The following ANAPC7 variants were observed in gnomAD, a reference collection of about 807,000 sequenced individuals.
The protein encoded by ANAPC7 is anaphase-promoting complex subunit 7.
In ANAPC7, 25 loss-of-function variants were observed where a neutral mutation model predicts 63.3. That is an observed-to-expected ratio of 0.39 (90% confidence interval 0.29 to 0.55). ANAPC7 has a LOEUF of 0.55. ANAPC7 is among the 20% of genes least tolerant of loss of function. The pLI is 0.57. For synonymous variants in ANAPC7, 241 were observed against 251.7 expected, an observed-to-expected ratio of 0.96 and a Z score of 0.40; for missense variants, 516 against 691.7, an observed-to-expected ratio of 0.75 and a Z score of 2.85.
chr12:110,387,786 A>G lies in ANAPC7; in HGVS notation c.627T>C (p.Tyr209=), dbSNP rs61754907. 3,462 of 1,614,118 alleles carry G rather than the reference A, an allele frequency of 2.1e-3. 82 individuals carry two copies. The African/African-American group carries it at 0.041, about 19-fold the overall frequency. ...AGTTGTCACCAGTGTGCACAAAAGC[A>G]TACGCTTTGATCCACACAGAGAGCC... is the stretch of plus-strand genomic sequence containing the variant. ...LDWLSVWIKA[Y]AFVHTGDNSR... Residue 209 remains tyrosine, a synonymous_variant, in exon 5 of 11, where the codon TAT becomes TAC. Transcript: ENST00000455511.
chr12:110,374,284 T>C lies in ANAPC7; in HGVS notation c.1558A>G (p.Lys520Glu). ...KSLEGMQKME[K>E]EESPTDATQE... Reference sequence around the variant, plus strand: ...GTGGCATCCGTGGGACTCTCCTCCTTCTCCATCTTCTGCATCCCCTCTAGA... The same window carrying C: ...GTGGCATCCGTGGGACTCTCCTCCTCCTCCATCTTCTGCATCCCCTCTAGA... Residue 520 changes from lysine to glutamate, a missense_variant, in exon 11 of 11, where the codon AAG becomes GAG. Physicochemically the swap from Lys to Glu is moderately conservative, Grantham distance 56. Transcript: ENST00000455511. 1 of 1,614,086 alleles carries C rather than the reference T, an allele frequency of 6.2e-7. No homozygotes were observed. Among genetic ancestry groups the C allele is most frequent in the Non-Finnish European group, 8.5e-7 (1 of 1,180,010 alleles).
chr12:110,393,306 TG>T (rs1883262016), intron 3 of ANAPC7, among the ~76,000 whole-genome samples: 1 of 152,200 alleles, frequency 6.6e-6, no homozygotes, highest in Non-Finnish European at 1.5e-5. Flanking sequence ...TTTTGCCACC[TG>T]GAAGTGTTTT....
At position 110,403,269 on chromosome 12, in the gene ANAPC7, G is replaced by A. The variant is rs1156555309; in HGVS notation, c.101+258C>T. 2.0e-5 allele frequency among the ~76,000 whole-genome samples: 3 copies of A among 152,278 alleles called. No individual in the cohort carries two copies. The East Asian group carries it at 5.8e-4, about 29-fold the overall frequency. ...CAGGTGCCTCAGGAAACCCTCGCCT[G>A]GGTCGTCCTCAGAGCCTCTGCCTTC... is the stretch of plus-strand genomic sequence containing the variant. On this transcript the variant is annotated intron_variant, in intron 1 of 10. Coordinates refer to ENST00000455511, the MANE Select transcript of ANAPC7 (RefSeq NM_016238.3).
chr12:110,393,939 G>A (rs1047661892), intron 3 of ANAPC7, among the ~76,000 whole-genome samples: 9 of 148,380 alleles, frequency 6.1e-5, no homozygotes, highest in East Asian at 4.0e-4. Context: ...TTGGGAGGCC[G>A]TGGCAGGCGA....
At chr12:110,386,499 T>G (rs201746238) in intron 5 of ANAPC7, 30 bp from the exon 6 acceptor site, 15 of 1,566,644 alleles carry the variant, frequency 9.6e-6, no homozygotes, top group Non-Finnish European at 1.2e-5. Context: ...CATTGAACCT[T>G]TAAATCTATT....
At chr12:110,400,705 A>T (rs2062215609) in intron 1 of ANAPC7, among the ~76,000 whole-genome samples, 1 of 152,084 alleles carries the variant, frequency 6.6e-6, no homozygotes, top group African/African-American at 2.4e-5. Context: ...TCCTGTCAAC[A>T]TGAAGTGGAT....
At chr12:110,388,113 T>G (rs536688034) in intron 4 of ANAPC7, among the ~76,000 whole-genome samples, 2 of 152,338 alleles carry the variant, frequency 1.3e-5, no homozygotes, top group South Asian at 4.1e-4. Flanking sequence ...CTCAGCTCAC[T>G]GCAACCTCTG....
rs527752280 is a variant in ANAPC7 at position 110,390,346 on chromosome 12, T to G, written c.409-1723A>C. Reference sequence around the variant, plus strand: ...ACCTCGGCCTCCCAAAGTGCTGGGATTACAGGCGTGAGCCACCGTGTCTGG... The same window carrying G: ...ACCTCGGCCTCCCAAAGTGCTGGGAGTACAGGCGTGAGCCACCGTGTCTGG... On this transcript the variant is annotated intron_variant, in intron 3 of 10. Transcript: ENST00000455511. 2.6e-5 allele frequency among the ~76,000 whole-genome samples: 4 copies of G among 152,266 alleles called. No homozygotes were observed. The South Asian group carries it at 8.3e-4, about 32-fold the overall frequency.
chr12:110,377,439 T>C lies in ANAPC7; in HGVS notation c.1311A>G (p.Gln437=). 6.2e-7 allele frequency: 1 copy of C among 1,614,168 alleles called. No individual in the cohort carries two copies. Among genetic ancestry groups the C allele is most frequent in the Non-Finnish European group, 8.5e-7 (1 of 1,180,024 alleles). Reference sequence around the variant, plus strand: ...CCACAGCCTTAATGTAATCTGGCCTTTGGGTCAGGGCTTTATCTAATAATG... The same window carrying C: ...CCACAGCCTTAATGTAATCTGGCCTCTGGGTCAGGGCTTTATCTAATAATG... ...AKTLLDKALT[Q]RPDYIKAVVK... is the part of the protein sequence containing the mutation. The change falls in exon 9 of 11, where the codon CAA becomes CAG. Residue 437 remains glutamine (Q), a synonymous_variant. Transcript: ENST00000455511.
intron 1 of ANAPC7, among the ~76,000 whole-genome samples, chr12:110,403,038 G>A (rs2062255405): frequency 6.6e-6 from 1 of 152,144 alleles, no homozygotes; most frequent in Non-Finnish European, 1.5e-5. Flanking sequence ...CACCGCGCCC[G>A]GCCCCGTTTT....
chr12:110,393,654 A>C (rs1883295146), intron 3 of ANAPC7, among the ~76,000 whole-genome samples: 1 of 151,998 alleles, frequency 6.6e-6, no homozygotes, highest in African/African-American at 2.4e-5. Context: ...GATCACCTGA[A>C]GTCGGGAGTT....
chr12:110,395,007 T>C (rs2137979289), intron 3 of ANAPC7, 94 bp downstream of exon 3: 1 of 1,403,520 alleles, frequency 7.1e-7, no homozygotes, highest in Non-Finnish European at 9.6e-7. Flanking sequence ...ATGGGTAAAA[T>C]GTTCACACGG....
chr12:110,382,448 AAAAAAAAAAAAAAATATATATATATAT>A (rs1008892473), intron 7 of ANAPC7, among the ~76,000 whole-genome samples: 3 of 59,402 alleles, frequency 5.1e-5, no homozygotes, highest in African/African-American at 2.9e-4. Context: ...TTTTAAAAAA[AAAAAAAAAAAAAAATATATATATATAT>A]ATATATATAT....
intron 7 of ANAPC7, among the ~76,000 whole-genome samples, chr12:110,382,233 A>C (rs539913470): frequency 6.6e-6 from 1 of 151,248 alleles, no homozygotes; most frequent in African/African-American, 2.4e-5. Flanking sequence ...AGAATTTGTA[A>C]AGCCAGGTTA....
chr12:110,401,203 C>G (rs942046001), intron 1 of ANAPC7, among the ~76,000 whole-genome samples: 4 of 152,146 alleles, frequency 2.6e-5, no homozygotes, highest in Non-Finnish European at 5.9e-5. Context: ...GTAAAAGTTT[C>G]CATTATAACG....
intron 6 of ANAPC7, among the ~76,000 whole-genome samples, chr12:110,385,034 C>T (rs1368771774): frequency 2.0e-5 from 3 of 152,142 alleles, no homozygotes; most frequent in East Asian, 1.9e-4. Flanking sequence ...GAGACTGAGG[C>T]GGGTGGATTA....
At chr12:110,381,710 C>T in intron 8 of ANAPC7, 42 bp downstream of exon 8, 1 of 1,589,932 alleles carries the variant, frequency 6.3e-7, no homozygotes, top group Non-Finnish European at 8.6e-7. Context: ...GCTGCTGCCA[C>T]ACCCACGGAT....
chr12:110,382,811 A>C lies in ANAPC7; in HGVS notation c.935+32T>G, dbSNP rs766100515. 2.6e-6 allele frequency: 4 copies of C among 1,529,404 alleles called. No homozygotes were observed. In the Admixed American group the frequency reaches 6.9e-5, roughly 26 times the overall value. The allele number at this position is 1,529,404 out of a possible 1,614,324, so 94.7% of individuals were successfully genotyped here. A position where few individuals can be genotyped will look rare whatever the true frequency, so the allele number is the denominator to read the frequency against. On this transcript the variant is annotated intron_variant, in intron 7 of 10. Coordinates refer to ENST00000455511, the MANE Select transcript of ANAPC7 (RefSeq NM_016238.3). The stretch of plus-strand genomic sequence containing the variant: ...AACCATTATCTCTTAATCTACTGAC[A>C]ACTGGGGAGAAAAGAGAATGCATAA...
intron 6 of ANAPC7, 137 bp downstream of exon 6, chr12:110,386,190 A>T: frequency 7.6e-7 from 1 of 1,314,420 alleles, no homozygotes; most frequent in Non-Finnish European, 1.1e-6. Flanking sequence ...TGACCTAAAA[A>T]AAGTAAAAGA....
Sources: gnomAD v4.1 joint callset for allele counts (sites outside exome capture counted in the v4.1 genomes callset) on GRCh38, gnomAD v4.1.1 for gene constraint, MANE v1.5 for transcripts, NCBI Gene and HGNC (gene_info 2026-07-23, HGNC 2026-07-21) for gene names.